The following GPR158 variants were observed in gnomAD, a reference collection of about 807,000 sequenced individuals.
The protein encoded by GPR158 is G protein-coupled receptor 158.
GPR158 carries 30 observed loss-of-function variants against 78.2 expected under a neutral mutation model. The observed-to-expected ratio is 0.38, with a 90% CI of 0.29 to 0.52. GPR158 has a LOEUF of 0.52. GPR158 is among the 20% of genes least tolerant of loss of function. The pLI is 0.83. For missense variants in GPR158, 1,463 were observed against 1,523.5 expected (o/e 0.96, Z 0.66); for synonymous variants, 581 against 591.1 (o/e 0.98, Z 0.25).
intron 5 of GPR158, chr10:25,475,961 G>A (rs147545551): frequency 6.6e-6 from 1 of 152,158 alleles, no homozygotes; most frequent in African/African-American, 2.4e-5. Context: ...GGTTATTTTT[G>A]CCTTTTCTAA....
At chr10:25,579,030 A>T (rs1038217646) in intron 7 of GPR158, among the ~76,000 whole-genome samples, 1 of 116,196 alleles carries the variant, frequency 8.6e-6, no homozygotes, top group Admixed American at 7.8e-5. Context: ...AAATAAAAAT[A>T]AAAAAATAAA....
intron 1 of GPR158, among the ~76,000 whole-genome samples, chr10:25,218,117 T>C (rs1853244753): frequency 6.6e-6 from 1 of 152,066 alleles, no homozygotes; most frequent in African/African-American, 2.4e-5. Flanking sequence ...GAGAGGGTTT[T>C]CTTTCTGTTA....
At chr10:25,365,006 T>C (rs1055471892) in intron 2 of GPR158, among the ~76,000 whole-genome samples, 1 of 151,826 alleles carries the variant, frequency 6.6e-6, no homozygotes, top group Non-Finnish European at 1.5e-5. Context: ...ATTTCAACTG[T>C]CTATGTAAAA....
chr10:25,341,686 C>T (rs914343573), intron 2 of GPR158, among the ~76,000 whole-genome samples: 2 of 151,848 alleles, frequency 1.3e-5, no homozygotes, highest in Admixed American at 1.3e-4. Context: ...TCATTCGTCT[C>T]TCCTTCACTT....
intron 9 of GPR158, among the ~76,000 whole-genome samples, chr10:25,595,716 A>G (rs1054554475): frequency 6.6e-6 from 1 of 152,232 alleles, no homozygotes; most frequent in African/African-American, 2.4e-5. Context: ...AGTGTTTGTC[A>G]CAGGCTGGAG....
intron 6 of GPR158, among the ~76,000 whole-genome samples, chr10:25,558,058 T>A (rs1231993823): frequency 6.6e-6 from 1 of 152,222 alleles, no homozygotes; most frequent in African/African-American, 2.4e-5. Context: ...TTAAAAAATA[T>A]TTATATACAT....
intron 2 of GPR158, among the ~76,000 whole-genome samples, chr10:25,343,545 G>A (rs1415886370): frequency 2.6e-5 from 4 of 151,954 alleles, no homozygotes; most frequent in South Asian, 2.1e-4. Context: ...TAGAGTTGGT[G>A]ATCTCATAGT....
At chr10:25,521,074 A>G in intron 5 of GPR158, among the ~76,000 whole-genome samples, 1 of 152,200 alleles carries the variant, frequency 6.6e-6, no homozygotes, top group Non-Finnish European at 1.5e-5. Context: ...GTGGTGCGCC[A>G]TTTCCTAAGC....
At chr10:25,207,790 A>C (rs1375204568) in intron 1 of GPR158, among the ~76,000 whole-genome samples, 1 of 152,164 alleles carries the variant, frequency 6.6e-6, no homozygotes, top group Non-Finnish European at 1.5e-5. Context: ...AGAATCATAA[A>C]GGTATAGCTG....
intron 2 of GPR158, among the ~76,000 whole-genome samples, chr10:25,273,517 C>T (rs1376740752): frequency 6.7e-6 from 1 of 148,574 alleles, no homozygotes; most frequent in Non-Finnish European, 1.5e-5. Flanking sequence ...GATACAAAGA[C>T]TTATGAGGTA....
At chr10:25,297,937 A>G (rs1229011511) in intron 2 of GPR158, among the ~76,000 whole-genome samples, 2 of 152,218 alleles carry the variant, frequency 1.3e-5, no homozygotes, top group Non-Finnish European at 2.9e-5. Flanking sequence ...CTGGGTTCAA[A>G]TCACATCTTT....
At chr10:25,257,872 T>C (rs1853912162) in intron 2 of GPR158, among the ~76,000 whole-genome samples, 1 of 152,190 alleles carries the variant, frequency 6.6e-6, no homozygotes, top group East Asian at 1.9e-4. Flanking sequence ...TCTTCTCTCT[T>C]CTGTCCATGC....
intron 2 of GPR158, among the ~76,000 whole-genome samples, chr10:25,287,649 T>C (rs67384011): frequency 0.16 from 24,052 of 152,146 alleles, 2,438 homozygotes; most frequent in Non-Finnish European, 0.23. Context: ...GAATTGTTAC[T>C]GGCATCTGAC....
intron 2 of GPR158, among the ~76,000 whole-genome samples, chr10:25,364,888 T>G (rs66484783): frequency 0.097 from 14,728 of 151,794 alleles, 800 homozygotes; most frequent in South Asian, 0.22. Context: ...CATACTAAAT[T>G]TCGATTACTT....
chr10:25,533,674 GT>G (rs1836454198), intron 5 of GPR158, among the ~76,000 whole-genome samples: 1 of 152,132 alleles, frequency 6.6e-6, no homozygotes, highest in Admixed American at 6.5e-5. Context: ...ACCCTGCCTT[GT>G]TCACTTCATT....
intron 5 of GPR158, among the ~76,000 whole-genome samples, chr10:25,549,062 A>G (rs1294525664): frequency 2.0e-5 from 3 of 152,198 alleles, no homozygotes; most frequent in South Asian, 2.1e-4. Context: ...GAAAAGCTTT[A>G]CTGATAGGAT....
intron 1 of GPR158, among the ~76,000 whole-genome samples, chr10:25,202,005 T>C (rs371000303): frequency 1.5e-4 from 23 of 152,070 alleles, no homozygotes; most frequent in African/African-American, 5.5e-4. Flanking sequence ...TATGGAGGAG[T>C]CCTTCCCTCT....
intron 2 of GPR158, among the ~76,000 whole-genome samples, chr10:25,291,339 T>C (rs763392499): frequency 6.6e-6 from 1 of 151,998 alleles, no homozygotes; most frequent in Non-Finnish European, 1.5e-5. Context: ...AAGAGGGAAA[T>C]GGGATCAATT....
intron 4 of GPR158, among the ~76,000 whole-genome samples, chr10:25,433,531 G>GGGGTGTGT (rs545312367): frequency 1.6e-4 from 22 of 140,288 alleles, no homozygotes; most frequent in African/African-American, 6.0e-4. Context: ...TTTAGTTAGG[G>GGGGTGTGT]GTGTGTGTGT....
Sources: gnomAD v4.1 joint callset for allele counts (sites outside exome capture counted in the v4.1 genomes callset) on GRCh38, gnomAD v4.1.1 for gene constraint, MANE v1.5 for transcripts, NCBI Gene and HGNC (gene_info 2026-07-23, HGNC 2026-07-21) for gene names.